The following LMNTD1 variants were observed in gnomAD, a reference collection of about 807,000 sequenced individuals.
The protein encoded by LMNTD1 is lamin tail domain-containing protein 1.
Under a neutral mutation model 50.9 loss-of-function variants are expected in LMNTD1, and 35 were observed. The observed-to-expected ratio is 0.69, with a 90% confidence interval of 0.53 to 0.91. The LOEUF (loss-of-function observed/expected upper bound fraction) is 0.91, where lower values mean the gene tolerates loss of function less well. Ranked by LOEUF, LMNTD1 falls within the 40% of genes least tolerant of loss-of-function variation. The pLI, the probability that LMNTD1 is intolerant of heterozygous loss-of-function variation, is 0.00. For missense variants in LMNTD1, 470 were observed against 475.5 expected, an observed-to-expected ratio of 0.99 and a Z score of 0.11; for synonymous variants, 153 against 161.9, an observed-to-expected ratio of 0.94 and a Z score of 0.42.
intron 4 of LMNTD1, among the ~76,000 whole-genome samples, chr12:25,543,461 TA>T (rs983971228): frequency 6.6e-6 from 1 of 151,852 alleles, no homozygotes; most frequent in African/African-American, 2.4e-5. Context: ...TGTTTAACAT[TA>T]AAAAAGAAAA....
intron 1 of LMNTD1, among the ~76,000 whole-genome samples, chr12:25,569,378 G>A (rs1030694044): frequency 1.3e-5 from 2 of 152,204 alleles, no homozygotes; most frequent in Non-Finnish European, 2.9e-5. Flanking sequence ...TATCTGGGAA[G>A]TAAATAACTT....
chr12:25,644,359 C>A (rs1947018891), intron 1 of LMNTD1, among the ~76,000 whole-genome samples: 2 of 148,726 alleles, frequency 1.3e-5, no homozygotes, highest in African/African-American at 4.9e-5. Context: ...GTGGCATGTG[C>A]CTGTGGTCTC....
chr12:25,595,493 T>C (rs543782860), intron 1 of LMNTD1, among the ~76,000 whole-genome samples: 2 of 152,094 alleles, frequency 1.3e-5, no homozygotes, highest in South Asian at 4.2e-4. Context: ...GGGTCAAAAA[T>C]GAAATAAAGA....
At chr12:25,561,211 T>C (rs1201048951) in intron 1 of LMNTD1, among the ~76,000 whole-genome samples, 1 of 152,194 alleles carries the variant, frequency 6.6e-6, no homozygotes, top group Non-Finnish European at 1.5e-5. Flanking sequence ...CTCTTGCTTC[T>C]CTAGTTCTTT....
intron 1 of LMNTD1, among the ~76,000 whole-genome samples, chr12:25,591,510 T>C (rs931901793): frequency 6.6e-6 from 1 of 152,118 alleles, no homozygotes; most frequent in Non-Finnish European, 1.5e-5. Flanking sequence ...AAACACTGGA[T>C]AGACTTCTAA....
intron 1 of LMNTD1, among the ~76,000 whole-genome samples, chr12:25,597,857 C>G (rs1477389792): frequency 5.9e-5 from 9 of 152,066 alleles, no homozygotes; most frequent in Non-Finnish European, 1.3e-4. Context: ...GGAAATTATA[C>G]AAATACATGT....
intron 1 of LMNTD1, among the ~76,000 whole-genome samples, chr12:25,566,352 A>C (rs1398868787): frequency 1.3e-5 from 2 of 151,570 alleles, no homozygotes; most frequent in Non-Finnish European, 2.9e-5. Context: ...TTCTTTATTC[A>C]CTCATTGATT....
At position 25,640,947 on chromosome 12, in the gene LMNTD1, G is replaced by A. The variant is rs532692360; in HGVS notation, c.58+7547C>T. ...CTCCCAAAGTGTTGGGATTACAGGC[G>A]TAAGCCACCGTGCCCAGCCAGAAAA... is the stretch of plus-strand genomic sequence containing the variant. On this transcript the variant is annotated intron_variant, in intron 1 of 7. Transcript: ENST00000445693. Among the ~76,000 whole-genome samples the A allele has an allele frequency of 1.2e-4, 18 of 152,328 alleles. No individual in the cohort carries two copies. In the Middle Eastern group the frequency reaches 0.01, roughly 86 times the overall value.
intron 9 of LMNTD1, among the ~76,000 whole-genome samples, chr12:25,501,679 G>A (rs1205161113): frequency 6.6e-6 from 1 of 152,070 alleles, no homozygotes; most frequent in African/African-American, 2.4e-5. Context: ...CTACCTCAAA[G>A]GCTCAAGTGA....
At chr12:25,535,388 C>CA (rs1942511674) in intron 4 of LMNTD1, among the ~76,000 whole-genome samples, 1 of 149,096 alleles carries the variant, frequency 6.7e-6, no homozygotes. Context: ...GAAGCAGGGA[C>CA]AAAAAATATT....
chr12:25,546,607 C>A, intron 3 of LMNTD1, 53 bp from the exon 4 acceptor site: 1 of 1,145,510 alleles, frequency 8.7e-7, no homozygotes, highest in Non-Finnish European at 1.2e-6. Context: ...AATAAAATGA[C>A]ATTAAAAGGA....
Position 25,549,495 on chromosome 12 carries a change from C to A in LMNTD1, c.141G>T (p.Met47Ile). 1 of 1,613,136 alleles carries A rather than the reference C, an allele frequency of 6.2e-7. No homozygotes were observed. The highest frequency in any genetic ancestry group is 8.5e-7 in the Non-Finnish European group (1 of 1,179,372). The change falls in exon 3 of 10, where the codon ATG becomes ATT. Residue 47 changes from methionine to isoleucine, a missense_variant. Physicochemically the swap from Met to Ile is conservative, Grantham distance 10. Transcript: ENST00000458174. Reference sequence around the variant, plus strand: ...GCAGTGTTGTGGCAACTGAACCCAACATCTTTGGGGAAAAATGTACTAAAG... The same window carrying A: ...GCAGTGTTGTGGCAACTGAACCCAAAATCTTTGGGGAAAAATGTACTAAAG... ...VYSLVHFSPKMLGSVATTLPL... is the reference protein window; with the variant it reads ...VYSLVHFSPKILGSVATTLPL...
intron 4 of LMNTD1, among the ~76,000 whole-genome samples, chr12:25,527,725 C>T (rs142609566): frequency 0.17 from 21,834 of 128,230 alleles, 2,335 homozygotes; most frequent in East Asian, 0.24. Flanking sequence ...CACACATATA[C>T]ACACATATAT....
At chr12:25,535,321 G>A (rs182865311) in intron 4 of LMNTD1, among the ~76,000 whole-genome samples, 338 of 152,176 alleles carry the variant, frequency 2.2e-3, no homozygotes, top group Middle Eastern at 0.01. Flanking sequence ...AGTAAACTAT[G>A]GTACAACTTC....
At chr12:25,560,175 G>T (rs1944240032) in intron 1 of LMNTD1, among the ~76,000 whole-genome samples, 1 of 152,166 alleles carries the variant, frequency 6.6e-6, no homozygotes, top group Admixed American at 6.5e-5. Flanking sequence ...TATGGTTTTA[G>T]GTCTAACATT....
At chr12:25,528,844 C>T (rs1942009425) in intron 4 of LMNTD1, among the ~76,000 whole-genome samples, 1 of 152,138 alleles carries the variant, frequency 6.6e-6, no homozygotes, top group Non-Finnish European at 1.5e-5. Flanking sequence ...CTCTGGACTA[C>T]CTATTTCCCC....
chr12:25,559,167 G>T (rs984913700), intron 1 of LMNTD1, among the ~76,000 whole-genome samples: 2 of 151,810 alleles, frequency 1.3e-5, no homozygotes, highest in African/African-American at 2.4e-5. Context: ...TTTACATTAG[G>T]TATATCTCCT....
intron 9 of LMNTD1, among the ~76,000 whole-genome samples, chr12:25,489,267 A>C (rs578167310): frequency 2.0e-5 from 3 of 150,634 alleles, no homozygotes; most frequent in Admixed American, 1.3e-4. Flanking sequence ...CTGCTGTGCT[A>C]GCAATCAGTG....
chr12:25,546,691 A>C (rs1024103722), intron 3 of LMNTD1, 137 bp from the exon 4 acceptor site: 3 of 470,834 alleles, frequency 6.4e-6, no homozygotes, highest in African/African-American at 6.1e-5. Context: ...ATCAAACTTA[A>C]TGAGAATAGT....
Sources: gnomAD v4.1 joint callset for allele counts (sites outside exome capture counted in the v4.1 genomes callset) on GRCh38, gnomAD v4.1.1 for gene constraint, MANE v1.5 for transcripts, NCBI Gene and HGNC (gene_info 2026-07-23, HGNC 2026-07-21) for gene names.